The following USP50 variants were observed in gnomAD, a reference collection of about 807,000 sequenced individuals.
USP50 encodes ubiquitin carboxyl-terminal hydrolase 50.
A neutral mutation model predicts 39.2 loss-of-function variants in USP50; 37 were observed. That is an observed-to-expected ratio of 0.94 (90% CI 0.73 to 1.24). USP50 has a LOEUF of 1.24. USP50 is among the 50% of genes most tolerant of loss of function. The pLI is 0.00. For missense variants in USP50, 374 were observed against 398.2 expected, an observed-to-expected ratio of 0.94 and a Z score of 0.52; for synonymous variants, 139 against 144.5, an observed-to-expected ratio of 0.96 and a Z score of 0.27.
At chr15:50,497,677 A>G (rs188690768), downstream of USP50, 1 of 152,414 alleles carries the variant, frequency 6.6e-6, no homozygotes, top group Admixed American at 6.5e-5. Context: ...GATTTTTCCA[A>G]TTGATGGAAA....
intron 6 of USP50, among the ~76,000 whole-genome samples, chr15:50,520,449 A>G (rs2052839828): frequency 6.6e-6 from 1 of 151,778 alleles, no homozygotes. Context: ...CTACAGGCAC[A>G]TGCCACAATA....
intron 5 of USP50, among the ~76,000 whole-genome samples, chr15:50,532,407 C>T (rs1596017072): frequency 6.6e-6 from 1 of 152,186 alleles, no homozygotes; most frequent in Admixed American, 6.5e-5. Flanking sequence ...CCTGTTCCAC[C>T]GAAGCGGGTG....
chr15:50,543,669 T>C lies in USP50; in HGVS notation c.373A>G (p.Lys125Glu). The C allele has an allele frequency of 8.7e-6, 14 of 1,613,606 alleles. No homozygotes were observed. Among genetic ancestry groups the C allele is most frequent in the Non-Finnish European group, 1.2e-5 (14 of 1,179,738 alleles). ...TCCTGAGCATCTTGTTGCATCTTTT[T>C]CGTAAATGCTGGGTAGAGGTTGCCA... The part of the protein sequence containing the change: ...ALGNLYPAFT[K>E]KMQQDAQEFL... Residue 125 changes from lysine (K) to glutamate (E), a missense_variant, in exon 3 of 7, where the codon AAA (lysine) becomes GAA (glutamate). Coordinates refer to ENST00000532404, the MANE Select transcript of USP50 (RefSeq NM_203494.5).
chr15:50,495,830 A>G (rs1212594343), downstream of USP50: 5 of 1,581,068 alleles, frequency 3.2e-6, no homozygotes, highest in Non-Finnish European at 4.3e-6. Context: ...TATAGAGCTT[A>G]AATCATTTTA....
rs2052943011 is a variant in USP50 at position 50,531,880 on chromosome 15, G to A, written c.804-1951C>T. 3 of 247,184 alleles carry A rather than the reference G, an allele frequency of 1.2e-5. No individual in the cohort carries two copies. The South Asian group carries it at 1.6e-4, about 13-fold the overall frequency. The allele number at this position is 247,184 out of a possible 1,614,324, so 15.3% of individuals were successfully genotyped here. On this transcript the variant is annotated intron_variant, in intron 5 of 6. Coordinates refer to ENST00000532404, the MANE Select transcript of USP50 (RefSeq NM_203494.5). ...CTTTTGGTTATTTTCCTTCCCTCAG[G>A]AAGGAAAGAATTAACCGAAAGGAAA...
chr15:50,498,833 G>GAAACT (rs1566895613), downstream of USP50: 1 of 1,547,182 alleles, frequency 6.5e-7, no homozygotes, highest in Non-Finnish European at 8.7e-7. Flanking sequence ...ATAAAGCTTT[G>GAAACT]AAACTATTGG....
chr15:50,533,477 G>A (rs907525708), intron 5 of USP50, among the ~76,000 whole-genome samples: 3 of 151,686 alleles, frequency 2.0e-5, no homozygotes, highest in Admixed American at 6.6e-5. Context: ...GAGTGGGGGG[G>A]AAAAAAACAC....
At chr15:50,525,642 GTGTATA>G (rs1220643592) in intron 6 of USP50, among the ~76,000 whole-genome samples, 36 of 101,310 alleles carry the variant, frequency 3.6e-4, no homozygotes, top group African/African-American at 1.3e-3. Flanking sequence ...ATATGTATAT[GTGTATA>G]TGTATATGTA....
Position 50,543,691 on chromosome 15 carries a change from G to A in USP50, c.351C>T (p.Gly117=). The stretch of plus-strand genomic sequence containing the variant: ...TTTTCGTAAATGCTGGGTAGAGGTT[G>A]CCAAGAGCTGACCAGAATATTTCTG... The part of the protein sequence containing the change: ...VSPEIFWSAL[G]NLYPAFTKKM... The change falls in exon 3 of 7, where the codon GGC becomes GGT. Residue 117 remains glycine (G), a synonymous_variant. Coordinates refer to ENST00000532404, the MANE Select transcript of USP50 (RefSeq NM_203494.5). The A allele has an allele frequency of 1.2e-6, 2 of 1,612,866 alleles. No homozygotes were observed. Among genetic ancestry groups the A allele is most frequent in the Non-Finnish European group, 1.7e-6 (2 of 1,179,368 alleles).
At chr15:50,528,996 GCTA>G (rs1372124407) in intron 6 of USP50, among the ~76,000 whole-genome samples, 1 of 152,146 alleles carries the variant, frequency 6.6e-6, no homozygotes, top group Non-Finnish European at 1.5e-5. Flanking sequence ...AGAATGGCTT[GCTA>G]CTTGGGGATG....
At chr15:50,493,218 C>A, downstream of USP50, 1 of 507,374 alleles carries the variant, frequency 2.0e-6, no homozygotes, top group Admixed American at 2.4e-5. Context: ...GCCCTCATGG[C>A]CTTATCACCT....
chr15:50,502,786 CCAT>C (rs1366030605), intron 6 of USP50: 2 of 152,476 alleles, frequency 1.3e-5, no homozygotes, highest in African/African-American at 4.8e-5. Flanking sequence ...GCATACACCA[CCAT>C]GTCCAGAATG....
downstream of USP50, chr15:50,496,085 GTA>G: frequency 6.3e-7 from 1 of 1,597,858 alleles, no homozygotes. Context: ...TACATTACAG[GTA>G]AGTTTAAGAA....
intron 6 of USP50, 142 bp from the exon 7 acceptor site, chr15:50,500,979 G>T: frequency 2.9e-6 from 2 of 685,344 alleles, no homozygotes; most frequent in Non-Finnish European, 2.5e-6. Context: ...GTTAAATCAT[G>T]CATATAGCCT....
intron 2 of USP50, 57 bp from the exon 3 acceptor site, chr15:50,543,850 T>G (rs1412361171): frequency 6.6e-7 from 1 of 1,517,756 alleles, no homozygotes; most frequent in South Asian, 1.2e-5. Flanking sequence ...AGGCACCTAA[T>G]CACCCAAGCC....
downstream of USP50, among the ~76,000 whole-genome samples, chr15:50,496,270 A>C (rs892504658): frequency 3.9e-5 from 6 of 152,146 alleles, no homozygotes; most frequent in African/African-American, 1.4e-4. Flanking sequence ...TCACGAGGTC[A>C]GGAGATCGAG....
intron 6 of USP50, chr15:50,508,444 G>A (rs1323319615): frequency 1.3e-5 from 2 of 152,088 alleles, no homozygotes; most frequent in African/African-American, 4.8e-5. Flanking sequence ...TTTTGTATAT[G>A]TTTGAAATAT....
At chr15:50,495,824 G>C (rs1239627012), downstream of USP50, 1 of 1,550,872 alleles carries the variant, frequency 6.4e-7, no homozygotes, top group African/African-American at 1.4e-5. Flanking sequence ...TATTAATATA[G>C]AGCTTAAATC....
intron 6 of USP50, among the ~76,000 whole-genome samples, chr15:50,519,595 A>G (rs559936794): frequency 2.6e-5 from 4 of 151,926 alleles, no homozygotes; most frequent in Non-Finnish European, 4.4e-5. Flanking sequence ...GGCACCTGTA[A>G]TCCCAGCTAC....
Sources: allele counts gnomAD v4.1 joint callset (sites outside exome capture counted in the v4.1 genomes callset), GRCh38; gene constraint gnomAD v4.1.1; transcripts MANE v1.5; gene names NCBI Gene and HGNC (gene_info 2026-07-23, HGNC 2026-07-21).